DPP10: variants seen among roughly 807,000 people sequenced by gnomAD.
DPP10 encodes dipeptidyl peptidase like 10.
Under a neutral mutation model 120.9 loss-of-function variants are expected in DPP10, and 33 were observed. That is an observed-to-expected ratio of 0.27 (90% CI 0.21 to 0.37). DPP10 has a LOEUF of 0.37. Ranked by LOEUF, DPP10 falls within the 10% of genes least tolerant of loss-of-function variation. The pLI is 1.00. For synonymous variants in DPP10, 337 were observed against 326.1 expected (o/e 1.03, Z -0.36); for missense variants, 816 against 942.8 (o/e 0.87, Z 1.76).
intron 7 of DPP10, among the ~76,000 whole-genome samples, chr2:115,717,848 C>T (rs1197346886): frequency 6.6e-6 from 1 of 152,034 alleles, no homozygotes; most frequent in African/African-American, 2.4e-5. Context: ...TTTATTATCT[C>T]AAAATTCAGG....
rs146868959 is a variant in DPP10, at chr2:115,391,080, A to G, written c.271+47168A>G. ...AAAATGCAGAGCTGTCAAGAAGGCT[A>G]ATGCATATAGGTTTTAAGAACCACA... On this transcript the variant is annotated intron_variant, in intron 3 of 25. Coordinates refer to ENST00000410059, the MANE Select transcript of DPP10 (RefSeq NM_020868.6). Among the ~76,000 whole-genome samples, 854 of 152,294 alleles carry G rather than the reference A, an allele frequency of 5.6e-3. 6 individuals carry two copies. Among genetic ancestry groups the G allele is most frequent in the African/African-American group, 0.016 (683 of 41,570 alleles).
intron 1 of DPP10, among the ~76,000 whole-genome samples, chr2:114,638,223 G>T (rs1283081083): frequency 6.6e-6 from 1 of 151,468 alleles, no homozygotes; most frequent in Non-Finnish European, 1.5e-5. Context: ...TCTTAGGTAT[G>T]TCCATTTTTT....
At chr2:115,340,881 T>C (rs1375501306) in intron 2 of DPP10, among the ~76,000 whole-genome samples, 1 of 152,070 alleles carries the variant, frequency 6.6e-6, no homozygotes, top group Non-Finnish European at 1.5e-5. Context: ...AAATTTATTG[T>C]ATCAAATAAG....
intron 1 of DPP10, among the ~76,000 whole-genome samples, chr2:114,743,453 A>T (rs1268551016): frequency 6.6e-6 from 1 of 151,884 alleles, no homozygotes; most frequent in African/African-American, 2.4e-5. Context: ...AAAGTTAAGA[A>T]TATGGATAAA....
At chr2:114,661,654 T>C (rs941266846) in intron 1 of DPP10, among the ~76,000 whole-genome samples, 23 of 152,296 alleles carry the variant, frequency 1.5e-4, no homozygotes, top group Non-Finnish European at 3.2e-4. Flanking sequence ...TGTTGCTGTT[T>C]GTATGTTCTA....
At chr2:114,965,964 C>CAAAAAAAAAA (rs57107624) in intron 1 of DPP10, among the ~76,000 whole-genome samples, 90 of 74,798 alleles carry the variant, frequency 1.2e-3, no homozygotes, top group African/African-American at 2.4e-3. Context: ...GACTCCTTCT[C>CAAAAAAAAAA]AAAAAAAAAA....
In DPP10 at chr2:115,824,686, G is replaced by T. The variant is rs200053817; in HGVS notation, c.1950+8957G>T. On this transcript the variant is annotated intron_variant, in intron 21 of 25. Transcript: ENST00000410059. ...TTATGGCCACTTCGTATTCCATGGTGTGTATATGCTACATTTTCGTTATCC... is the reference window on the plus strand; with the variant it reads ...TTATGGCCACTTCGTATTCCATGGTTTGTATATGCTACATTTTCGTTATCC... 1.1e-4 allele frequency among the ~76,000 whole-genome samples: 17 copies of T among 152,058 alleles called. No homozygotes were observed. The East Asian group carries it at 3.1e-3, about 28-fold the overall frequency.
intron 5 of DPP10, among the ~76,000 whole-genome samples, chr2:115,588,277 A>C (rs2082414857): frequency 6.6e-6 from 1 of 152,204 alleles, no homozygotes; most frequent in Non-Finnish European, 1.5e-5. Flanking sequence ...CATGTATTTA[A>C]AAGTTAATCT....
chr2:115,247,017 G>A (rs1223812316), intron 1 of DPP10, among the ~76,000 whole-genome samples: 2 of 152,098 alleles, frequency 1.3e-5, no homozygotes, highest in Non-Finnish European at 2.9e-5. Flanking sequence ...AGCTTTATTA[G>A]TAATACAGCT....
At chr2:115,404,514 AAAG>A (rs2068362462) in intron 3 of DPP10, among the ~76,000 whole-genome samples, 1 of 152,230 alleles carries the variant, frequency 6.6e-6, no homozygotes, top group African/African-American at 2.4e-5. Context: ...AAATCAATGG[AAAG>A]ATATGCCATG....
Position 115,709,459 on chromosome 2 carries a change from G to A in DPP10, c.577-18357G>A, listed in dbSNP as rs558036394. On this transcript the variant is annotated intron_variant, in intron 7 of 25. Transcript: ENST00000410059. Reference sequence around the variant, plus strand: ...TTTCCTGACCTTCATAAAAATAAATGCAAAAGGAATAAAAAGATAGGATAT... The same window carrying A: ...TTTCCTGACCTTCATAAAAATAAATACAAAAGGAATAAAAAGATAGGATAT... Among the ~76,000 whole-genome samples, 41 of 151,956 alleles carry A rather than the reference G, an allele frequency of 2.7e-4. No homozygotes were observed. In the South Asian group the frequency reaches 4.1e-3, roughly 15 times the overall value.
chr2:114,479,196 A>G (rs1244465182), intron 1 of DPP10, among the ~76,000 whole-genome samples: 1 of 152,206 alleles, frequency 6.6e-6, no homozygotes, highest in South Asian at 2.1e-4. Flanking sequence ...GATGTCAATT[A>G]TTCCCAAGTT....
chr2:115,364,472 C>T (rs764004996), intron 3 of DPP10, among the ~76,000 whole-genome samples: 2 of 151,982 alleles, frequency 1.3e-5, no homozygotes, highest in South Asian at 4.1e-4. Flanking sequence ...TTCGCTAGTA[C>T]GTGGGTTTGT....
intron 1 of DPP10, among the ~76,000 whole-genome samples, chr2:114,515,529 C>A (rs1161804669): frequency 2.0e-5 from 3 of 152,128 alleles, no homozygotes; most frequent in African/African-American, 4.8e-5. Context: ...AATAAAGGTG[C>A]CTCGCTCCTC....
chr2:115,160,835 C>T (rs533123909), intron 1 of DPP10, among the ~76,000 whole-genome samples: 3 of 152,206 alleles, frequency 2.0e-5, no homozygotes, highest in African/African-American at 7.2e-5. Flanking sequence ...AACGTAAGCT[C>T]CCTGCAGCCA....
intron 1 of DPP10, among the ~76,000 whole-genome samples, chr2:114,450,873 G>A (rs187811782): frequency 2.0e-5 from 3 of 152,174 alleles, no homozygotes; most frequent in African/African-American, 7.2e-5. Flanking sequence ...AATAGGTAGG[G>A]CTTTTCAGGG....
intron 1 of DPP10, among the ~76,000 whole-genome samples, chr2:115,012,332 T>A (rs1437105418): frequency 6.6e-6 from 1 of 152,146 alleles, no homozygotes; most frequent in African/African-American, 2.4e-5. Flanking sequence ...GGACCACAGA[T>A]AATGGGCTCT....
intron 1 of DPP10, among the ~76,000 whole-genome samples, chr2:115,237,522 C>A (rs575225518): frequency 6.6e-6 from 1 of 152,170 alleles, no homozygotes; most frequent in Admixed American, 6.5e-5. Context: ...AGTCACACAT[C>A]TCTCAATATA....
chr2:115,684,436 A>G (rs933425813), intron 5 of DPP10, among the ~76,000 whole-genome samples: 17 of 151,904 alleles, frequency 1.1e-4, no homozygotes, highest in African/African-American at 4.1e-4. Context: ...TTCCAAGAGA[A>G]ACCAATCCCA....
Sources: gnomAD v4.1 joint callset for allele counts (sites outside exome capture counted in the v4.1 genomes callset) on GRCh38, gnomAD v4.1.1 for gene constraint, MANE v1.5 for transcripts, NCBI Gene and HGNC (gene_info 2026-07-23, HGNC 2026-07-21) for gene names.